Variants in GREB1 observed in about 807,000 individuals in gnomAD.
GREB1 encodes the protein protein GREB1.
In GREB1, 106 loss-of-function variants were observed where a neutral mutation model predicts 200.7. The ratio of observed to expected loss-of-function variants is 0.53; its 90% CI spans 0.45 to 0.62. GREB1 has a LOEUF of 0.62. Among genes scored for constraint, GREB1 ranks in the 20% least tolerant of loss-of-function variants. The pLI is 0.00. For missense variants in GREB1, 2,243 were observed against 2,556.8 expected (o/e 0.88, Z 2.65); for synonymous variants, 1,132 against 1,092.4 (o/e 1.04, Z -0.72).
chr2:11,562,367 G>A lies in GREB1; in HGVS notation c.158-96G>A, dbSNP rs1363284574. On this transcript the variant is annotated intron_variant, in intron 2 of 32. Coordinates refer to ENST00000381486, the MANE Select transcript of GREB1 (RefSeq NM_014668.4). ...GATTAGTCCCATAGGTCCTGGGCTT[G>A]TTGAGCCTGAGAATGCAGGCAGAGG... 5 of 1,538,294 alleles carry A rather than the reference G, an allele frequency of 3.3e-6. 1 individual carries two copies. Among genetic ancestry groups the A allele is most frequent in the African/African-American group, 2.8e-5 (2 of 71,842 alleles).
chr2:11,502,048 C>G (rs1673063112), intron 1 of GREB1, among the ~76,000 whole-genome samples: 1 of 150,300 alleles, frequency 6.7e-6, no homozygotes, highest in South Asian at 2.1e-4. Flanking sequence ...TCCTGAGTAG[C>G]TGGGATTACA....
intron 25 of GREB1, 123 bp downstream of exon 25, chr2:11,627,227 C>A: frequency 1.2e-6 from 1 of 818,128 alleles, no homozygotes; most frequent in Non-Finnish European, 1.9e-6. Context: ...GCTTCCTGGT[C>A]TGCTTGCATC....
chr2:11,500,652 C>T (rs1422297008), intron 1 of GREB1, among the ~76,000 whole-genome samples: 1 of 152,170 alleles, frequency 6.6e-6, no homozygotes, highest in African/African-American at 2.4e-5. Context: ...AATAAAATTA[C>T]CTACTTGATT....
chr2:11,521,246 A>G (rs1385419770), intron 1 of GREB1, among the ~76,000 whole-genome samples: 1 of 152,028 alleles, frequency 6.6e-6, no homozygotes, highest in African/African-American at 2.4e-5. Flanking sequence ...AGTAGCTGGG[A>G]CCACAGGCAT....
At chr2:11,592,058 C>A in intron 10 of GREB1, 1 of 975,304 alleles carries the variant, frequency 1.0e-6, no homozygotes, top group Non-Finnish European at 1.2e-6. Context: ...TACACATTTA[C>A]CACTGTATAT....
chr2:11,606,932 A>G (rs1250221300), intron 17 of GREB1, among the ~76,000 whole-genome samples: 1 of 151,660 alleles, frequency 6.6e-6, no homozygotes, highest in African/African-American at 2.4e-5. Flanking sequence ...ACAGGCACGC[A>G]CCACCACGCC....
chr2:11,590,287 T>A (rs1201696423), intron 10 of GREB1, among the ~76,000 whole-genome samples: 1 of 152,160 alleles, frequency 6.6e-6, no homozygotes, highest in Non-Finnish European at 1.5e-5. Context: ...ATTCTTGCCC[T>A]GTTCCCCACA....
Position 11,593,001 on chromosome 2 carries a change from C to G in GREB1, c.1571C>G (p.Ser524Cys), listed in dbSNP as rs758659403. ...DSVHVIECAY[S>C]LAEGLSEMFR... ...GTGCACGTCATCGAGTGTGCTTACTCCCTGGCCGAGGGCCTCTCCGAGATG... is the reference window on the plus strand; with the variant it reads ...GTGCACGTCATCGAGTGTGCTTACTGCCTGGCCGAGGGCCTCTCCGAGATG... Residue 524 changes from serine to cysteine, a missense_variant, in exon 11 of 33, where the codon TCC becomes TGC. Ser to Cys is a moderately radical substitution (Grantham distance 112). Coordinates refer to ENST00000381486, the MANE Select transcript of GREB1 (RefSeq NM_014668.4). 6.2e-7 allele frequency: 1 copy of G among 1,611,438 alleles called. No individual in the cohort carries two copies. Among genetic ancestry groups the G allele is most frequent in the Non-Finnish European group, 8.5e-7 (1 of 1,178,954 alleles).
At chr2:11,611,474 G>T (rs910682440) in intron 18 of GREB1, among the ~76,000 whole-genome samples, 1 of 152,060 alleles carries the variant, frequency 6.6e-6, no homozygotes, top group Non-Finnish European at 1.5e-5. Flanking sequence ...CACCACACTC[G>T]GCTAATTTTT....
In GREB1 at chr2:11,556,628, A is replaced by G. The variant is rs1005725300; in HGVS notation, c.14A>G (p.Tyr5Cys). The G allele has an allele frequency of 6.2e-7, 1 of 1,611,698 alleles. No individual in the cohort carries two copies. The highest frequency in any genetic ancestry group is 8.5e-7 in the Non-Finnish European group (1 of 1,178,800). The change falls in exon 2 of 33, where the codon TAC becomes TGC. Residue 5 changes from tyrosine (Y) to cysteine (C), a missense_variant. By Grantham distance (194) the Tyr-to-Cys change is radical. Coordinates refer to ENST00000381486, the MANE Select transcript of GREB1 (RefSeq NM_014668.4). MGNS[Y>C]AGQLKTTRFE... Reference sequence around the variant, plus strand: ...ATCCTCTTGAAGATGGGAAATTCTTACGCTGGACAGCTGAAGACGACACGC... The same window carrying G: ...ATCCTCTTGAAGATGGGAAATTCTTGCGCTGGACAGCTGAAGACGACACGC...
intron 21 of GREB1, among the ~76,000 whole-genome samples, chr2:11,617,793 G>C (rs751635618): frequency 6.6e-6 from 1 of 152,140 alleles, no homozygotes; most frequent in Admixed American, 6.5e-5. Flanking sequence ...GGTCTGGGAC[G>C]GGGAAAGGTC....
At chr2:11,499,183 G>C (rs1179642580) in intron 1 of GREB1, among the ~76,000 whole-genome samples, 3 of 152,158 alleles carry the variant, frequency 2.0e-5, no homozygotes, top group African/African-American at 7.2e-5. Context: ...CACAAAGCTG[G>C]TTTGGAAAAA....
intron 10 of GREB1, chr2:11,591,478 A>G: frequency 2.8e-6 from 2 of 717,908 alleles, no homozygotes; most frequent in East Asian, 5.4e-5. Flanking sequence ...ATTGAAAAGT[A>G]TTCAGTCTCA....
rs369208303 is a variant in GREB1, at chr2:11,626,997, G to A, written c.4342G>A (p.Val1448Met). ...GMSRKPEDLYVRRQTARMRLS... is the reference protein window; with the variant it reads ...GMSRKPEDLYMRRQTARMRLS... ...GTCCCGGAAGCCGGAGGACCTTTATGTGCGGCGTCAGACGGCACGGATGAG... is the reference window on the plus strand; with the variant it reads ...GTCCCGGAAGCCGGAGGACCTTTATATGCGGCGTCAGACGGCACGGATGAG... Residue 1448 changes from valine (V) to methionine (M), a missense_variant, in exon 25 of 33, where the codon GTG becomes ATG. Val to Met is a conservative substitution (Grantham distance 21). Around this residue, in one of 3 missense-constraint regions of GREB1, gnomAD observed 587 missense variants for 553.1 expected, o/e 1.06. Coordinates refer to ENST00000381486, the MANE Select transcript of GREB1 (RefSeq NM_014668.4). The A allele has an allele frequency of 3.1e-6, 5 of 1,614,084 alleles. No homozygotes were observed. Among genetic ancestry groups the A allele is most frequent in the African/African-American group, 2.7e-5 (2 of 74,946 alleles).
chr2:11,546,787 T>G (rs1386110669), intron 1 of GREB1, among the ~76,000 whole-genome samples: 2 of 152,196 alleles, frequency 1.3e-5, no homozygotes, highest in Non-Finnish European at 2.9e-5. Flanking sequence ...AAGTCTCTAG[T>G]GCTGTCCTTT....
chr2:11,615,939 G>T (rs1050116415), intron 20 of GREB1, among the ~76,000 whole-genome samples: 1 of 152,232 alleles, frequency 6.6e-6, no homozygotes, highest in African/African-American at 2.4e-5. Flanking sequence ...TGCCTTGTCT[G>T]TCTTGACTGT....
upstream of GREB1, among the ~76,000 whole-genome samples, chr2:11,533,734 G>A (rs1012537054): frequency 3.3e-5 from 5 of 152,190 alleles, no homozygotes; most frequent in African/African-American, 1.2e-4. Context: ...TGAACTAGGG[G>A]TGACTGGTGT....
intron 9 of GREB1, chr2:11,587,362 T>G: frequency 6.3e-7 from 1 of 1,583,234 alleles, no homozygotes; most frequent in Non-Finnish European, 8.7e-7. Flanking sequence ...ACTCTTTACC[T>G]TGCCTCTTGC....
intron 1 of GREB1, among the ~76,000 whole-genome samples, chr2:11,513,055 G>A (rs1673395074): frequency 6.6e-6 from 1 of 152,164 alleles, no homozygotes; most frequent in African/African-American, 2.4e-5. Context: ...CTCTGTTCTG[G>A]AGCTGAAGCG....
Sources: gnomAD v4.1 joint callset for allele counts (sites outside exome capture counted in the v4.1 genomes callset) on GRCh38, gnomAD v4.1.1 for gene constraint, gnomAD v4.1.1 regional missense constraint, MANE v1.5 for transcripts, NCBI Gene and HGNC (gene_info 2026-07-23, HGNC 2026-07-21) for gene names.